Variants in SHISA9 observed in about 807,000 individuals in gnomAD.
SHISA9 encodes the protein shisa family member 9.
In SHISA9, 13 loss-of-function variants were observed where a neutral mutation model predicts 38.0. The observed-to-expected ratio is 0.34, with a 90% CI of 0.22 to 0.54. The LOEUF (loss-of-function observed/expected upper bound fraction) is 0.54. SHISA9 is among the 20% of genes least tolerant of loss of function. The pLI, the probability that SHISA9 is intolerant of heterozygous loss-of-function variation, is 0.91. For synonymous variants in SHISA9, 275 were observed against 242.0 expected (o/e 1.14, Z -1.27); for missense variants, 538 against 575.8 (o/e 0.93, Z 0.67).
chr16:13,484,307 AT>A, the SHISA9 span, among the ~76,000 whole-genome samples: 1 of 152,094 alleles, frequency 6.6e-6, no homozygotes, highest in African/African-American at 2.4e-5. Context: ...AGCTTTTATA[AT>A]TTTTTTCACC....
chr16:13,517,706 A>T, the SHISA9 span, among the ~76,000 whole-genome samples: 56 of 152,208 alleles, frequency 3.7e-4, no homozygotes, highest in Middle Eastern at 3.4e-3. Flanking sequence ...CAGAAAAGAG[A>T]AGGACCTCAG....
the SHISA9 span, among the ~76,000 whole-genome samples, chr16:13,337,246 G>A: frequency 6.6e-6 from 1 of 152,108 alleles, no homozygotes; most frequent in Non-Finnish European, 1.5e-5. Context: ...GGGACCCAGT[G>A]GGAGATAATT....
At chr16:13,308,213 C>CT in the SHISA9 span, among the ~76,000 whole-genome samples, 134,580 of 146,184 alleles carry the variant, frequency 0.92, 61,657 homozygotes, top group East Asian at 0.99. Flanking sequence ...ATTGTAGGAG[C>CT]TTTTTTTTTT....
At chr16:13,115,508 C>T (rs182443445) in intron 2 of SHISA9, among the ~76,000 whole-genome samples, 121 of 152,316 alleles carry the variant, frequency 7.9e-4, no homozygotes, top group African/African-American at 2.6e-3. Context: ...TGCCTTTAAG[C>T]GGTTTTCTGC....
chr16:13,027,025 G>A (rs933186725), intron 2 of SHISA9, among the ~76,000 whole-genome samples: 1 of 152,172 alleles, frequency 6.6e-6, no homozygotes, highest in Non-Finnish European at 1.5e-5. Flanking sequence ...GAGACCTGGA[G>A]CTTGTTTATA....
chr16:13,235,471 C>A lies in SHISA9; in HGVS notation c.*62C>A, dbSNP rs914334701. Reference sequence around the variant, plus strand: ...AACTGAGAGAGGCAAAAAACAACCCCGCCCACACCCTCCCCATCCTCCCCT... The same window carrying A: ...AACTGAGAGAGGCAAAAAACAACCCAGCCCACACCCTCCCCATCCTCCCCT... On this transcript the variant is annotated 3_prime_UTR_variant, in exon 5 of 5. Coordinates refer to ENST00000558583, the MANE Select transcript of SHISA9 (RefSeq NM_001145204.3). 6.8e-7 allele frequency: 1 copy of A among 1,464,756 alleles called. No individual in the cohort carries two copies. Among genetic ancestry groups the A allele is most frequent in the Non-Finnish European group, 9.0e-7 (1 of 1,108,850 alleles). 90.7% of individuals were successfully genotyped at this position (1,464,756 alleles called of 1,614,324 possible). A position where few individuals can be genotyped will look rare whatever the true frequency, so the allele number is the denominator to read the frequency against.
intron 2 of SHISA9, among the ~76,000 whole-genome samples, chr16:13,039,771 A>AT (rs1390595195): frequency 6.6e-6 from 1 of 152,188 alleles, no homozygotes. Flanking sequence ...CAAAAGTTCC[A>AT]TCTAAAGAAA....
chr16:13,004,496 AG>A (rs1333370693), intron 2 of SHISA9, among the ~76,000 whole-genome samples: 1 of 152,246 alleles, frequency 6.6e-6, no homozygotes, highest in Non-Finnish European at 1.5e-5. Flanking sequence ...GGCTTTAAGC[AG>A]AGGGAATGAT....
At chr16:13,127,070 G>A (rs111209285) in intron 2 of SHISA9, among the ~76,000 whole-genome samples, 2,173 of 147,004 alleles carry the variant, frequency 0.015, 24 homozygotes, top group South Asian at 0.023. Flanking sequence ...AGGAGAGAGA[G>A]AGGGAGAGAG....
At chr16:13,438,731 G>T in the SHISA9 span, among the ~76,000 whole-genome samples, 1 of 152,170 alleles carries the variant, frequency 6.6e-6, no homozygotes, top group African/African-American at 2.4e-5. Flanking sequence ...AGAAGAACCA[G>T]AAGTAAGCAG....
At chr16:12,913,298 G>A (rs970569495) in intron 1 of SHISA9, among the ~76,000 whole-genome samples, 4 of 152,128 alleles carry the variant, frequency 2.6e-5, no homozygotes, top group South Asian at 2.1e-4. Context: ...CTGGGTTCAA[G>A]CAATTCTCCT....
chr16:13,197,104 TACACACAC>T (rs58365720), intron 2 of SHISA9, among the ~76,000 whole-genome samples: 74 of 106,582 alleles, frequency 6.9e-4, no homozygotes, highest in East Asian at 3.8e-3. Context: ...TCTCTGTACA[TACACACAC>T]ACACACACAC....
intron 1 of SHISA9, among the ~76,000 whole-genome samples, chr16:12,907,078 TTTG>T (rs1447644393): frequency 2.5e-5 from 3 of 118,350 alleles, no homozygotes; most frequent in African/African-American, 3.5e-5. Context: ...CCCTTCCTCC[TTTG>T]TTTTTTCCTT....
rs142265410 is a variant in SHISA9 at position 13,183,459 on chromosome 16, G to T, written c.692-19935G>T. ...CCAATGTACTTTCTGCTCCAGCTTC[G>T]CTGATTTTCGTAAGGTTCCTTAAAA... is the stretch of plus-strand genomic sequence containing the variant. On this transcript the variant is annotated intron_variant, in intron 2 of 4. Transcript: ENST00000558583. Among the ~76,000 whole-genome samples, 23 of 152,298 alleles carry T rather than the reference G, an allele frequency of 1.5e-4. No homozygotes were observed. The East Asian group carries it at 3.7e-3, about 24-fold the overall frequency.
chr16:12,992,939 T>C (rs1477148813), intron 2 of SHISA9, among the ~76,000 whole-genome samples: 2 of 152,232 alleles, frequency 1.3e-5, no homozygotes, highest in Non-Finnish European at 2.9e-5. Context: ...ATTTTATAAC[T>C]GGGAAAATTG....
chr16:13,445,905 C>T, the SHISA9 span, among the ~76,000 whole-genome samples: 1 of 152,096 alleles, frequency 6.6e-6, no homozygotes, highest in African/African-American at 2.4e-5. Context: ...AAGTTTTGCC[C>T]TCATTTGAGA....
At chr16:13,211,994 G>T (rs2142064234) in intron 3 of SHISA9, among the ~76,000 whole-genome samples, 1 of 152,292 alleles carries the variant, frequency 6.6e-6, no homozygotes, top group Middle Eastern at 3.4e-3. Context: ...CTCTTCTGTT[G>T]CTCCAATTGT....
At chr16:13,278,293 T>C in the SHISA9 span, among the ~76,000 whole-genome samples, 5 of 152,126 alleles carry the variant, frequency 3.3e-5, no homozygotes, top group Admixed American at 1.3e-4. Context: ...ATTATTTTTT[T>C]GATATGTTGT....
the SHISA9 span, among the ~76,000 whole-genome samples, chr16:13,319,628 G>T: frequency 6.6e-6 from 1 of 152,010 alleles, no homozygotes; most frequent in Non-Finnish European, 1.5e-5. Flanking sequence ...ATGGGAGTGT[G>T]CGTGGGGAGC....
Sources: allele counts gnomAD v4.1 joint callset (sites outside exome capture counted in the v4.1 genomes callset), GRCh38; gene constraint gnomAD v4.1.1; transcripts MANE v1.5; gene names NCBI Gene and HGNC (gene_info 2026-07-23, HGNC 2026-07-21).